The following TYW1 variants were observed in gnomAD, a reference collection of about 807,000 sequenced individuals.
TYW1 encodes the protein tRNA-yW synthesizing protein 1 homolog, also known as S-adenosyl-L-methionine-dependent tRNA 4-demethylwyosine synthase TYW1.
In TYW1, 46 loss-of-function variants were observed where a neutral mutation model predicts 96.2. The ratio of observed to expected loss-of-function variants is 0.48; its 90% CI spans 0.38 to 0.61. The LOEUF (loss-of-function observed/expected upper bound fraction) is 0.61, where lower values mean the gene tolerates loss of function less well. Among genes scored for constraint, TYW1 ranks in the 20% least tolerant of loss-of-function variants. TYW1 has a pLI of 0.00. For synonymous variants in TYW1, 274 were observed against 323.0 expected, an observed-to-expected ratio of 0.85 and a Z score of 1.63; for missense variants, 684 against 909.6, an observed-to-expected ratio of 0.75 and a Z score of 3.19.
intron 15 of TYW1, among the ~76,000 whole-genome samples, chr7:67,223,699 T>G (rs1427285221): frequency 6.6e-6 from 1 of 151,656 alleles, no homozygotes; most frequent in Non-Finnish European, 1.5e-5. Context: ...GTGTTCTTAT[T>G]GCCTATCCTG....
intron 15 of TYW1, among the ~76,000 whole-genome samples, chr7:67,234,955 TAAA>T (rs3070651): frequency 0.28 from 40,408 of 146,716 alleles, 5,682 homozygotes; most frequent in African/African-American, 0.37. Flanking sequence ...GTAGGTATGG[TAAA>T]AAAAAAAAAA....
chr7:67,204,177 C>G (rs954376519), intron 15 of TYW1, among the ~76,000 whole-genome samples: 7 of 152,094 alleles, frequency 4.6e-5, no homozygotes, highest in African/African-American at 1.7e-4. Context: ...TCTAGTTGTT[C>G]TCCAGATACT....
chr7:67,056,059 TCA>T (rs1399159076), intron 9 of TYW1, among the ~76,000 whole-genome samples, 172 bp downstream of exon 9: 1 of 152,248 alleles, frequency 6.6e-6, no homozygotes, highest in Non-Finnish European at 1.5e-5. Context: ...GAACCTATAT[TCA>T]CCAACTCCAA....
chr7:67,204,650 A>G (rs1236864721), intron 15 of TYW1, among the ~76,000 whole-genome samples: 1 of 150,004 alleles, frequency 6.7e-6, no homozygotes, highest in Non-Finnish European at 1.5e-5. Flanking sequence ...GCTGGAATCC[A>G]ATGGCACAAT....
chr7:67,053,704 G>A (rs1272587326), intron 8 of TYW1, among the ~76,000 whole-genome samples: 1 of 152,096 alleles, frequency 6.6e-6, no homozygotes, highest in Non-Finnish European at 1.5e-5. Flanking sequence ...TTCTATCACT[G>A]TGTCTTCAAG....
At chr7:67,146,623 G>A (rs1798618449) in intron 13 of TYW1, among the ~76,000 whole-genome samples, 1 of 152,148 alleles carries the variant, frequency 6.6e-6, no homozygotes. Context: ...ATAGATACTT[G>A]TAAGATAGTG....
intron 13 of TYW1, among the ~76,000 whole-genome samples, chr7:67,175,577 A>G (rs1422972898): frequency 6.6e-6 from 1 of 152,030 alleles, no homozygotes; most frequent in African/African-American, 2.4e-5. Flanking sequence ...AACTAAATAC[A>G]GCAGTCTATA....
At chr7:67,191,920 G>C (rs1480551327) in intron 14 of TYW1, among the ~76,000 whole-genome samples, 1 of 141,298 alleles carries the variant, frequency 7.1e-6, no homozygotes, top group Non-Finnish European at 1.5e-5. Context: ...TTTGAGACAA[G>C]AGTGTTGCTC....
intron 9 of TYW1, among the ~76,000 whole-genome samples, chr7:67,058,625 T>C (rs890491140): frequency 2.6e-5 from 4 of 152,054 alleles, no homozygotes; most frequent in African/African-American, 7.2e-5. Flanking sequence ...TGTGCCACCA[T>C]GCCTGGCAAA....
intron 12 of TYW1, among the ~76,000 whole-genome samples, chr7:67,110,926 G>A (rs1189579463): frequency 6.6e-6 from 1 of 152,104 alleles, no homozygotes; most frequent in Non-Finnish European, 1.5e-5. Context: ...GGTTGCTTGA[G>A]CTCAGGAGTT....
At chr7:67,030,351 T>TACCC (rs1794631000) in intron 7 of TYW1, among the ~76,000 whole-genome samples, 1 of 152,144 alleles carries the variant, frequency 6.6e-6, no homozygotes, top group Non-Finnish European at 1.5e-5. Flanking sequence ...TATATATGGC[T>TACCC]GGGTGTGGTG....
intron 15 of TYW1, among the ~76,000 whole-genome samples, chr7:67,222,260 A>G (rs562514368): frequency 6.6e-6 from 1 of 152,312 alleles, no homozygotes; most frequent in East Asian, 1.9e-4. Context: ...AATCAATTTT[A>G]TATTTGCCCA....
At chr7:67,181,927 C>G (rs1799855614) in intron 13 of TYW1, among the ~76,000 whole-genome samples, 1 of 152,172 alleles carries the variant, frequency 6.6e-6, no homozygotes, top group African/African-American at 2.4e-5. Flanking sequence ...CTCCCAGGTT[C>G]AAATGATTCT....
At chr7:67,113,086 C>T (rs1004887125) in intron 12 of TYW1, among the ~76,000 whole-genome samples, 1 of 152,096 alleles carries the variant, frequency 6.6e-6, no homozygotes, top group Non-Finnish European at 1.5e-5. Flanking sequence ...TGATCTCATT[C>T]TCTTCCTGAT....
In TYW1 at chr7:67,034,637, C is replaced by T. The variant is rs369585339; in HGVS notation, c.984+9615C>T. Among the ~76,000 whole-genome samples, 470 of 152,144 alleles carry T rather than the reference C, an allele frequency of 3.1e-3. 1 individual carries two copies. Among genetic ancestry groups the T allele is most frequent in the African/African-American group, 0.01 (431 of 41,504 alleles). On this transcript the variant is annotated intron_variant, in intron 7 of 15. Transcript: ENST00000359626. ...CCTGGTCTACAGACTGCTTTTCTTT[C>T]GCTTTAACATGACAGCTTTCTGGTC...
At chr7:67,230,989 T>C (rs974767735) in intron 15 of TYW1, among the ~76,000 whole-genome samples, 1 of 152,122 alleles carries the variant, frequency 6.6e-6, no homozygotes, top group Non-Finnish European at 1.5e-5. Context: ...TTGAGCTTGC[T>C]TCTACCTTCT....
chr7:67,056,055 A>G (rs1255400735), intron 9 of TYW1, among the ~76,000 whole-genome samples, 168 bp downstream of exon 9: 1 of 152,214 alleles, frequency 6.6e-6, no homozygotes, highest in Non-Finnish European at 1.5e-5. Context: ...TGTAGAACCT[A>G]TATTCACCAA....
At chr7:67,050,185 G>C in intron 8 of TYW1, 119 bp downstream of exon 8, 2 of 1,187,096 alleles carry the variant, frequency 1.7e-6, no homozygotes, top group East Asian at 2.4e-5. Flanking sequence ...AGATATAACA[G>C]TCTAAAGATT....
At chr7:67,157,705 A>G (rs1296331650) in intron 13 of TYW1, among the ~76,000 whole-genome samples, 3 of 152,180 alleles carry the variant, frequency 2.0e-5, no homozygotes, top group Non-Finnish European at 4.4e-5. Flanking sequence ...CATTTAATGG[A>G]CTTACTTCCT....
Sources: gnomAD v4.1 joint callset for allele counts (sites outside exome capture counted in the v4.1 genomes callset) on GRCh38, gnomAD v4.1.1 for gene constraint, MANE v1.5 for transcripts, NCBI Gene and HGNC (gene_info 2026-07-23, HGNC 2026-07-21) for gene names.